Variants in CAMK2A observed in about 807,000 individuals in gnomAD.
CAMK2A encodes the protein calcium/calmodulin dependent protein kinase II alpha.
A neutral mutation model predicts 79.2 loss-of-function variants in CAMK2A; 7 were observed. That is an observed-to-expected ratio of 0.09 (90% CI 0.05 to 0.17). The LOEUF is 0.17. Among genes scored for constraint, CAMK2A ranks in the 10% least tolerant of loss-of-function variants. The pLI, the probability that CAMK2A is intolerant of heterozygous loss-of-function variation, is 1.00. For synonymous variants in CAMK2A, 242 were observed against 251.7 expected, an observed-to-expected ratio of 0.96 and a Z score of 0.36; for missense variants, 214 against 646.4, an observed-to-expected ratio of 0.33 and a Z score of 7.25.
intron 1 of CAMK2A, among the ~76,000 whole-genome samples, chr5:150,278,583 G>T (rs1440196658): frequency 6.6e-6 from 1 of 152,156 alleles, no homozygotes; most frequent in African/African-American, 2.4e-5. Context: ...GGAGGGCAAG[G>T]GTGGGAAGCG....
intron 15 of CAMK2A, among the ~76,000 whole-genome samples, chr5:150,234,217 G>C (rs1477676007): frequency 6.6e-6 from 1 of 152,102 alleles, no homozygotes; most frequent in Non-Finnish European, 1.5e-5. Context: ...TGCCTTCTCT[G>C]CATGGACTTT....
intron 1 of CAMK2A, among the ~76,000 whole-genome samples, chr5:150,281,609 C>T (rs896785558): frequency 6.6e-6 from 1 of 152,200 alleles, no homozygotes; most frequent in African/African-American, 2.4e-5. Context: ...TTTCCAATAC[C>T]CAGTACTCTC....
chr5:150,268,360 C>T (rs1756602497), intron 2 of CAMK2A, among the ~76,000 whole-genome samples: 1 of 152,186 alleles, frequency 6.6e-6, no homozygotes, highest in Non-Finnish European at 1.5e-5. Context: ...CACCTCAGGG[C>T]CTCTGTACCT....
intron 15 of CAMK2A, among the ~76,000 whole-genome samples, chr5:150,237,664 T>C (rs1377368930): frequency 6.6e-6 from 1 of 152,024 alleles, no homozygotes; most frequent in Admixed American, 6.6e-5. Context: ...CAGGCCAACA[T>C]ACCCGGCCTC....
intron 14 of CAMK2A, 58 bp from the exon 15 acceptor site, chr5:150,238,806 C>T: frequency 3.4e-6 from 5 of 1,457,892 alleles, no homozygotes; most frequent in Non-Finnish European, 4.6e-6. Context: ...CGAGGCATGG[C>T]CAGGCCCTGG....
intron 1 of CAMK2A, among the ~76,000 whole-genome samples, chr5:150,274,134 G>C (rs141752985): frequency 6.6e-6 from 1 of 152,334 alleles, no homozygotes; most frequent in African/African-American, 2.4e-5. Context: ...GTGGAAAATG[G>C]CAATTTGCTG....
At chr5:150,231,210 A>G in intron 16 of CAMK2A, 95 bp downstream of exon 16, 1 of 578,236 alleles carries the variant, frequency 1.7e-6, no homozygotes, top group South Asian at 3.3e-5. Context: ...AAGTGAGTGG[A>G]TGAGGATCGG....
chr5:150,278,467 G>C (rs1562200453), intron 1 of CAMK2A, among the ~76,000 whole-genome samples: 1 of 152,098 alleles, frequency 6.6e-6, no homozygotes, highest in Non-Finnish European at 1.5e-5. Flanking sequence ...AGAAGAGCCA[G>C]CCCACTCCTC....
rs984236324 is a variant in CAMK2A, at chr5:150,243,377, A to C, written c.984+1784T>G. On this transcript the variant is annotated intron_variant, in intron 13 of 18. Coordinates refer to ENST00000671881, the MANE Select transcript of CAMK2A (RefSeq NM_015981.4). The stretch of plus-strand genomic sequence containing the variant: ...CACCCCTAGCTCAGCGTCTCCACAC[A>C]GGGGTCAGAGAGGGCCCCAGCTACT... 2.6e-5 allele frequency among the ~76,000 whole-genome samples: 4 copies of C among 152,148 alleles called. No individual in the cohort carries two copies. In the South Asian group the frequency reaches 8.3e-4, roughly 31 times the overall value.
At chr5:150,239,539 A>AAC (rs550275908) in intron 14 of CAMK2A, among the ~76,000 whole-genome samples, 165 bp downstream of exon 14, 195 of 152,020 alleles carry the variant, frequency 1.3e-3, no homozygotes, top group Admixed American at 2.2e-3. Context: ...ACACGCAAAC[A>AAC]ACACACACAC....
At position 150,255,820 on chromosome 5, in the gene CAMK2A, G is replaced by A. The variant is rs181745353; in HGVS notation, c.411+753C>T. The stretch of plus-strand genomic sequence containing the variant: ...GGGGTTAGAAGGCCAGAATTCCCCC[G>A]CCCTAGCTAAGGACAATTGAACTGC... On this transcript the variant is annotated intron_variant, in intron 6 of 18. Coordinates refer to ENST00000671881, the MANE Select transcript of CAMK2A (RefSeq NM_015981.4). Among the ~76,000 whole-genome samples, 647 of 152,306 alleles carry A rather than the reference G, an allele frequency of 4.2e-3. 5 individuals are homozygous for A. Among genetic ancestry groups the A allele is most frequent in the Non-Finnish European group, 6.1e-3 (415 of 68,024 alleles).
Position 150,256,468 on chromosome 5 carries a change from A to C in CAMK2A, c.411+105T>G. On this transcript the variant is annotated intron_variant, in intron 6 of 18. Transcript: ENST00000671881. The surrounding 1 kb of genome is among the most constrained non-coding windows in gnomAD (Gnocchi z 4.6). ...CCCACCCCACCTTCCAGCCTAACAC[A>C]GAGAAATTAAAGCGATTCTGATAAT... is the stretch of plus-strand genomic sequence containing the variant. The C allele has an allele frequency of 2.6e-6, 2 of 763,132 alleles. No individual in the cohort carries two copies. The highest frequency in any genetic ancestry group is 4.5e-6 in the Non-Finnish European group (2 of 448,884). 47.3% of individuals were successfully genotyped at this position (763,132 alleles called of 1,614,324 possible).
At chr5:150,237,384 A>C (rs1755129161) in intron 15 of CAMK2A, among the ~76,000 whole-genome samples, 1 of 150,140 alleles carries the variant, frequency 6.7e-6, no homozygotes, top group African/African-American at 2.5e-5. Flanking sequence ...CCCTGCCACT[A>C]CCACCACCAC....
Position 150,222,518 on chromosome 5 carries a change from G to C in CAMK2A, c.*192C>G. 2.8e-6 allele frequency: 2 copies of C among 719,440 alleles called. No individual in the cohort carries two copies. The highest frequency in any genetic ancestry group is 5.0e-6 in the Non-Finnish European group (2 of 399,568). The allele number at this position is 719,440 out of a possible 1,614,324, so 44.6% of individuals were successfully genotyped here. A position where few individuals can be genotyped will look rare whatever the true frequency, so the allele number is the denominator to read the frequency against. ...GTGGGGGTGAGAGGTGGGGAGATGTGGCCGTTCGCTCTGAAGTTGCGATGA... is the reference window on the plus strand; with the variant it reads ...GTGGGGGTGAGAGGTGGGGAGATGTCGCCGTTCGCTCTGAAGTTGCGATGA... On this transcript the variant is annotated 3_prime_UTR_variant, in exon 19 of 19. Transcript: ENST00000671881.
chr5:150,262,711 C>A lies in CAMK2A; in HGVS notation c.217+2245G>T, dbSNP rs59379503. 4.7e-3 allele frequency among the ~76,000 whole-genome samples: 709 copies of A among 152,276 alleles called. 6 individuals carry two copies. The highest frequency in any genetic ancestry group is 0.017 in the African/African-American group (687 of 41,546). On this transcript the variant is annotated intron_variant, in intron 3 of 18. Coordinates refer to ENST00000671881, the MANE Select transcript of CAMK2A (RefSeq NM_015981.4). The stretch of plus-strand genomic sequence containing the variant: ...CACACACTAGGCTTTGTGCCAAGTG[C>A]TTTACTTAACGCTATCTCATTTTAC...
intron 13 of CAMK2A, among the ~76,000 whole-genome samples, chr5:150,244,253 ACTCCCT>A (rs1039704113): frequency 9.2e-5 from 14 of 152,252 alleles, no homozygotes; most frequent in African/African-American, 3.4e-4. Context: ...TCTAGCCCAG[ACTCCCT>A]CGCATGCAAC....
chr5:150,282,141 G>C (rs769790022), intron 1 of CAMK2A, among the ~76,000 whole-genome samples: 2 of 152,064 alleles, frequency 1.3e-5, no homozygotes, highest in Non-Finnish European at 2.9e-5. Context: ...ACCGCCTGAG[G>C]CTGCAGCCAC....
chr5:150,225,102 A>G (rs868088729), intron 17 of CAMK2A, among the ~76,000 whole-genome samples: 6 of 148,662 alleles, frequency 4.0e-5, no homozygotes, highest in African/African-American at 1.5e-4. Flanking sequence ...GAGACAATGG[A>G]TAGATAAAAT....
chr5:150,267,586 G>A (rs899303032), intron 2 of CAMK2A, among the ~76,000 whole-genome samples: 3 of 152,150 alleles, frequency 2.0e-5, no homozygotes, highest in Non-Finnish European at 4.4e-5. Context: ...TTTCACTGTT[G>A]AAAGCATTCA....
Sources: gnomAD v4.1 joint callset for allele counts (sites outside exome capture counted in the v4.1 genomes callset) on GRCh38, gnomAD v4.1.1 for gene constraint, Gnocchi (gnomAD v3.1) non-coding constraint, MANE v1.5 for transcripts, NCBI Gene and HGNC (gene_info 2026-07-23, HGNC 2026-07-21) for gene names.